Variants in GPC6 observed in about 807,000 individuals in gnomAD.
GPC6 encodes the protein glypican-6.
A neutral mutation model predicts 55.2 loss-of-function variants in GPC6; 14 were observed. The ratio of observed to expected loss-of-function variants is 0.25; its 90% confidence interval spans 0.17 to 0.40. The LOEUF is 0.40. GPC6 is among the 10% of genes least tolerant of loss of function. The pLI, the probability that GPC6 is intolerant of heterozygous loss-of-function variation, is 1.00. For synonymous variants in GPC6, 278 were observed against 259.6 expected, an observed-to-expected ratio of 1.07 and a Z score of -0.68; for missense variants, 641 against 708.5, an observed-to-expected ratio of 0.90 and a Z score of 1.08.
intron 1 of GPC6, among the ~76,000 whole-genome samples, chr13:93,509,236 T>C (rs1880851148): frequency 6.6e-6 from 1 of 152,228 alleles, no homozygotes; most frequent in Non-Finnish European, 1.5e-5. Context: ...GATTTATTGA[T>C]GGCCATTTTA....
intron 2 of GPC6, among the ~76,000 whole-genome samples, chr13:93,822,103 T>C (rs966730496): frequency 3.3e-5 from 5 of 151,980 alleles, no homozygotes; most frequent in Non-Finnish European, 7.4e-5. Flanking sequence ...CATAAAATGA[T>C]TTACACAATA....
At chr13:93,771,386 G>T (rs565788195) in intron 2 of GPC6, among the ~76,000 whole-genome samples, 1 of 152,236 alleles carries the variant, frequency 6.6e-6, no homozygotes, top group African/African-American at 2.4e-5. Flanking sequence ...GTGGCTAATT[G>T]AAGACACAGG....
rs3214748 is a variant in GPC6, at chr13:93,462,638, G to GA, written c.161-82615dup. On this transcript the variant is annotated intron_variant, in intron 1 of 8. Transcript: ENST00000377047. The stretch of plus-strand genomic sequence containing the variant: ...AATCCACTTAAATTTTGTAAAAATT[G>GA]AAAAAAAAAACAACTAAGGAATAAA... Among the ~76,000 whole-genome samples, 430 of 140,582 alleles carry GA rather than the reference G, an allele frequency of 3.1e-3. 5 individuals carry two copies. In the Middle Eastern group the frequency reaches 0.056, roughly 18 times the overall value. The allele number at this position is 140,582 out of a possible 152,430, so 92.2% of individuals were successfully genotyped here.
At chr13:93,616,290 G>A (rs962759810) in intron 2 of GPC6, among the ~76,000 whole-genome samples, 4 of 152,016 alleles carry the variant, frequency 2.6e-5, no homozygotes, top group Non-Finnish European at 4.4e-5. Flanking sequence ...AAATTTTGGG[G>A]AACAGAGGAT....
At chr13:94,196,682 G>A (rs1000730134) in intron 4 of GPC6, among the ~76,000 whole-genome samples, 5 of 152,130 alleles carry the variant, frequency 3.3e-5, no homozygotes, top group African/African-American at 4.8e-5. Context: ...CAGACTGCTT[G>A]TCAAAACCAC....
chr13:93,947,175 A>C (rs1879046106), intron 3 of GPC6, among the ~76,000 whole-genome samples: 2 of 152,318 alleles, frequency 1.3e-5, no homozygotes, highest in South Asian at 4.1e-4. Context: ...AGCTGTAAGA[A>C]GCATGCCGTT....
rs1215020224 is a variant in GPC6 at position 94,399,399 on chromosome 13, G to GT, written c.1465+762dup. 3.9e-5 allele frequency among the ~76,000 whole-genome samples: 6 copies of GT among 152,298 alleles called. No individual in the cohort carries two copies. The South Asian group carries it at 6.2e-4, about 16-fold the overall frequency. ...AACATTGACATGAAACTATATATGG[G>GT]TTTTGTCTGAGTAGTTTCAAGATGA... On this transcript the variant is annotated intron_variant, in intron 8 of 8. Transcript: ENST00000377047.
At chr13:93,786,361 TC>T (rs1566534902) in intron 2 of GPC6, among the ~76,000 whole-genome samples, 1 of 152,204 alleles carries the variant, frequency 6.6e-6, no homozygotes, top group Non-Finnish European at 1.5e-5. Flanking sequence ...GTACAAAACC[TC>T]TAGGCTTTTG....
intron 2 of GPC6, among the ~76,000 whole-genome samples, chr13:93,741,856 C>T (rs944849276): frequency 1.3e-5 from 2 of 152,212 alleles, no homozygotes. Context: ...AATTCTCTCT[C>T]ATCTTACCTT....
chr13:93,750,886 G>T (rs192983000), intron 2 of GPC6, among the ~76,000 whole-genome samples: 3 of 152,268 alleles, frequency 2.0e-5, no homozygotes, highest in African/African-American at 7.2e-5. Context: ...GAGCCTGTGG[G>T]AGTGGTTCAC....
intron 1 of GPC6, among the ~76,000 whole-genome samples, chr13:93,533,122 A>G (rs1346379178): frequency 1.3e-5 from 2 of 152,130 alleles, no homozygotes; most frequent in African/African-American, 4.8e-5. Context: ...ACCTCTTTAC[A>G]CTGAAAAATG....
At chr13:93,359,216 T>TA (rs1222740953) in intron 1 of GPC6, among the ~76,000 whole-genome samples, 1 of 152,154 alleles carries the variant, frequency 6.6e-6, no homozygotes. Flanking sequence ...TCTTCCAGCC[T>TA]AGGCTTCCCA....
chr13:93,663,345 A>G lies in GPC6; in HGVS notation c.319+117924A>G, dbSNP rs137913939. ...TTGGGCAGAAGATGCATTTACAACT[A>G]TGTGTCAAGTTGATGTTCATATATG... On this transcript the variant is annotated intron_variant, in intron 2 of 8. Transcript: ENST00000377047. 5.0e-3 allele frequency among the ~76,000 whole-genome samples: 755 copies of G among 152,322 alleles called. 6 individuals carry two copies. Among genetic ancestry groups the G allele is most frequent in the African/African-American group, 0.017 (694 of 41,592 alleles).
At chr13:93,217,106 T>C in the GPC6 span, among the ~76,000 whole-genome samples, 4 of 152,218 alleles carry the variant, frequency 2.6e-5, no homozygotes, top group African/African-American at 9.6e-5. Flanking sequence ...AATATTTCAA[T>C]TCAATGTTGT....
intron 1 of GPC6, among the ~76,000 whole-genome samples, chr13:93,482,885 A>G (rs947888601): frequency 2.0e-5 from 3 of 152,150 alleles, no homozygotes; most frequent in African/African-American, 7.2e-5. Flanking sequence ...TCTATTTAAG[A>G]TGTCTTTGTT....
At chr13:94,113,336 A>C (rs979486621) in intron 4 of GPC6, among the ~76,000 whole-genome samples, 1 of 151,878 alleles carries the variant, frequency 6.6e-6, no homozygotes, top group Non-Finnish European at 1.5e-5. Flanking sequence ...CTCAGGAGCC[A>C]AAAAAAAGTT....
intron 1 of GPC6, among the ~76,000 whole-genome samples, chr13:93,270,880 G>A (rs1055720763): frequency 6.6e-6 from 1 of 152,194 alleles, no homozygotes; most frequent in Non-Finnish European, 1.5e-5. Flanking sequence ...GGAGATTAAA[G>A]TGACAGATGG....
Position 94,350,075 on chromosome 13 carries a change from T to TTGTG in GPC6, c.1153-32325_1153-32322dup, listed in dbSNP as rs367555548. On this transcript the variant is annotated intron_variant, in intron 6 of 8. Coordinates refer to ENST00000377047, the MANE Select transcript of GPC6 (RefSeq NM_005708.5). ...ATATATATACATATATATATATCTT[T>TTGTG]TGTGTGTGTGTGTGTGTTTATGTGT... Among the ~76,000 whole-genome samples, 6 of 150,150 alleles carry TTGTG rather than the reference T, an allele frequency of 4.0e-5. No individual in the cohort carries two copies. In the South Asian group the frequency reaches 6.3e-4, roughly 16 times the overall value.
intron 4 of GPC6, among the ~76,000 whole-genome samples, chr13:94,041,110 C>G (rs1883516334): frequency 6.6e-6 from 1 of 151,798 alleles, no homozygotes; most frequent in Admixed American, 6.6e-5. Context: ...GCTAAATCAA[C>G]CTTTAAAATG....
Sources: allele counts gnomAD v4.1 joint callset (sites outside exome capture counted in the v4.1 genomes callset), GRCh38; gene constraint gnomAD v4.1.1; transcripts MANE v1.5; gene names NCBI Gene and HGNC (gene_info 2026-07-23, HGNC 2026-07-21).